The following GRID2 variants were observed in gnomAD, a reference collection of about 807,000 sequenced individuals.
The protein encoded by GRID2 is glutamate ionotropic receptor delta type subunit 2, also known as glutamate receptor ionotropic, delta-2.
A neutral mutation model predicts 114.8 loss-of-function variants in GRID2; 33 were observed. The ratio of observed to expected loss-of-function variants is 0.29; its 90% CI spans 0.22 to 0.38. GRID2 has a LOEUF of 0.38. GRID2 is among the 10% of genes least tolerant of loss of function. The probability of loss-of-function intolerance (pLI) is 1.00; values close to 1 mark genes in which losing one functional copy is unlikely to be tolerated. For synonymous variants in GRID2, 505 were observed against 449.9 expected, an observed-to-expected ratio of 1.12 and a Z score of -1.55; for missense variants, 1,184 against 1,257.7, an observed-to-expected ratio of 0.94 and a Z score of 0.89.
At chr4:92,991,444 A>G (rs1754899438) in intron 2 of GRID2, among the ~76,000 whole-genome samples, 1 of 152,244 alleles carries the variant, frequency 6.6e-6, no homozygotes, top group Non-Finnish European at 1.5e-5. Flanking sequence ...AGATATCATT[A>G]TCTGACGAAG....
intron 14 of GRID2, among the ~76,000 whole-genome samples, chr4:93,669,203 G>A (rs1164919291): frequency 6.6e-6 from 1 of 151,912 alleles, no homozygotes; most frequent in Non-Finnish European, 1.5e-5. Flanking sequence ...GAGTTAATGT[G>A]GGGTCATGTT....
intron 14 of GRID2, among the ~76,000 whole-genome samples, chr4:93,687,075 C>T (rs1726141377): frequency 6.6e-6 from 1 of 151,846 alleles, no homozygotes; most frequent in Non-Finnish European, 1.5e-5. Context: ...TGAGTGTTAC[C>T]AGTGGAGACA....
intron 1 of GRID2, among the ~76,000 whole-genome samples, chr4:93,805,680 C>T (rs1421645770): frequency 6.6e-6 from 1 of 152,218 alleles, no homozygotes; most frequent in Non-Finnish European, 1.5e-5. Flanking sequence ...AGTTAAGATT[C>T]ACAGTTTGTG....
intron 2 of GRID2, among the ~76,000 whole-genome samples, chr4:92,921,790 G>A (rs933521657): frequency 6.6e-6 from 1 of 152,120 alleles, no homozygotes; most frequent in Non-Finnish European, 1.5e-5. Context: ...GCTACTCAGG[G>A]GTCAGGGACC....
chr4:93,026,794 GAA>G (rs1723922238), intron 2 of GRID2, among the ~76,000 whole-genome samples: 2 of 151,850 alleles, frequency 1.3e-5, no homozygotes, highest in African/African-American at 4.8e-5. Flanking sequence ...TACTCACTAA[GAA>G]CAAATGAAAT....
At chr4:92,951,021 C>A (rs1296367299) in intron 2 of GRID2, among the ~76,000 whole-genome samples, 1 of 151,960 alleles carries the variant, frequency 6.6e-6, no homozygotes, top group Non-Finnish European at 1.5e-5. Context: ...TTGCTTTGTT[C>A]TTCTAAAGGA....
At chr4:93,338,842 G>A (rs1759349965) in intron 8 of GRID2, among the ~76,000 whole-genome samples, 1 of 152,030 alleles carries the variant, frequency 6.6e-6, no homozygotes. Flanking sequence ...CCCCCAAAGA[G>A]CCTTTTTTCC....
intron 8 of GRID2, among the ~76,000 whole-genome samples, chr4:93,251,983 T>C (rs1029507614): frequency 6.6e-5 from 10 of 152,142 alleles, no homozygotes; most frequent in Non-Finnish European, 1.5e-4. Context: ...TTATATTCCT[T>C]TGAGTATGTA....
At chr4:93,586,353 C>T (rs1737541299) in intron 13 of GRID2, among the ~76,000 whole-genome samples, 1 of 152,052 alleles carries the variant, frequency 6.6e-6, no homozygotes, top group South Asian at 2.1e-4. Flanking sequence ...AATTCTTCTG[C>T]TCACCTACAT....
intron 9 of GRID2, among the ~76,000 whole-genome samples, chr4:93,420,996 G>A (rs778109437): frequency 3.3e-5 from 5 of 152,076 alleles, no homozygotes; most frequent in South Asian, 2.1e-4. Flanking sequence ...CTCGTGATCC[G>A]CCCACTTCGG....
intron 1 of GRID2, among the ~76,000 whole-genome samples, chr4:92,428,549 A>G (rs890768602): frequency 3.3e-5 from 5 of 152,146 alleles, no homozygotes; most frequent in African/African-American, 1.2e-4. Context: ...GATATTAAGA[A>G]GAGATAGCAT....
rs187093096 is a variant in GRID2 at position 92,587,818 on chromosome 4, G to A, written c.89-2313G>A. Among the ~76,000 whole-genome samples, 693 of 152,188 alleles carry A rather than the reference G, an allele frequency of 4.6e-3. 1 individual carries two copies. Among genetic ancestry groups the A allele is most frequent in the Non-Finnish European group, 7.9e-3 (538 of 68,000 alleles). On this transcript the variant is annotated intron_variant, in intron 1 of 15. Transcript: ENST00000282020. ...TGTTTAAGGCAATATTAAGTGTTCT[G>A]CCATGTAATAGTAAAATGCTTCCAT...
chr4:92,384,640 T>TATATGTTATATATTATATATAATATATA (rs1729844220), intron 1 of GRID2, among the ~76,000 whole-genome samples: 5 of 93,124 alleles, frequency 5.4e-5, no homozygotes, highest in Non-Finnish European at 2.0e-5. Flanking sequence ...TAATATATAT[T>TATATGTTATATATTATATATAATATATA]ATATATAATA....
rs574236161 is a variant in GRID2, at chr4:92,868,329, C to T, written c.245-216666C>T. Among the ~76,000 whole-genome samples, 105 of 152,160 alleles carry T rather than the reference C, an allele frequency of 6.9e-4. 1 individual carries two copies. Among genetic ancestry groups the T allele is most frequent in the Non-Finnish European group, 7.1e-4 (48 of 67,984 alleles). On this transcript the variant is annotated intron_variant, in intron 2 of 15. Coordinates refer to ENST00000282020, the MANE Select transcript of GRID2 (RefSeq NM_001510.4). ...TTGAAAAACAAAATACCCGTACCCA[C>T]CCTTTCACACCAACCTCATAACAAA...
intron 1 of GRID2, among the ~76,000 whole-genome samples, chr4:92,587,446 C>A (rs1023134625): frequency 2.6e-5 from 4 of 151,854 alleles, no homozygotes; most frequent in Non-Finnish European, 5.9e-5. Context: ...AATTTCTGTC[C>A]CAGGATCCTT....
intron 14 of GRID2, among the ~76,000 whole-genome samples, chr4:93,684,742 C>A (rs1419345782): frequency 6.6e-6 from 1 of 151,990 alleles, no homozygotes; most frequent in South Asian, 2.1e-4. Flanking sequence ...GGATGAGGAA[C>A]ACAGTATCTA....
Position 92,304,624 on chromosome 4 carries a change from A to G in GRID2, c.-33A>G. 1.3e-5 allele frequency: 19 copies of G among 1,479,276 alleles called. No homozygotes were observed. Among genetic ancestry groups the G allele is most frequent in the Non-Finnish European group, 1.7e-5 (18 of 1,057,904 alleles). The allele number at this position is 1,479,276 out of a possible 1,614,324, so 91.6% of individuals were successfully genotyped here. A position where few individuals can be genotyped will look rare whatever the true frequency, so the allele number is the denominator to read the frequency against. On this transcript the variant is annotated 5_prime_UTR_variant, in exon 1 of 16. Coordinates refer to ENST00000282020, the MANE Select transcript of GRID2 (RefSeq NM_001510.4). ...TTGAAAAAAAAAAAATTGGAAGAAA[A>G]TCCATCCTCCAAGAGAATCGGCATA...
At chr4:93,391,232 T>A (rs1298221262) in intron 8 of GRID2, among the ~76,000 whole-genome samples, 1 of 152,196 alleles carries the variant, frequency 6.6e-6, no homozygotes, top group African/African-American at 2.4e-5. Flanking sequence ...TTCATTCACA[T>A]GTCAAAGTGG....
intron 2 of GRID2, among the ~76,000 whole-genome samples, chr4:92,670,462 C>T (rs866700196): frequency 2.6e-5 from 4 of 151,872 alleles, no homozygotes; most frequent in South Asian, 2.1e-4. Flanking sequence ...TGGATGAACA[C>T]TTGGTAAGGT....
Sources: allele counts gnomAD v4.1 joint callset (sites outside exome capture counted in the v4.1 genomes callset), GRCh38; gene constraint gnomAD v4.1.1; transcripts MANE v1.5; gene names NCBI Gene and HGNC (gene_info 2026-07-23, HGNC 2026-07-21).